Variants in PLAT observed in about 807,000 individuals in gnomAD.
PLAT encodes the protein tissue-type plasminogen activator.
In PLAT, 48 loss-of-function variants were observed where a neutral mutation model predicts 74.9. The observed-to-expected ratio is 0.64, with a 90% confidence interval of 0.51 to 0.82. The LOEUF is 0.82. PLAT is among the 40% of genes least tolerant of loss of function. PLAT has a pLI of 0.00. For synonymous variants in PLAT, 307 were observed against 294.4 expected, an observed-to-expected ratio of 1.04 and a Z score of -0.44; for missense variants, 673 against 736.2, an observed-to-expected ratio of 0.91 and a Z score of 0.99.
rs140537859 is a variant in PLAT, at chr8:42,194,215, T to TGAGAGAGAGAGAGAGA, written c.-26-1020_-26-1005dup. On this transcript the variant is annotated intron_variant, in intron 1 of 13. Transcript: ENST00000220809. ...TCAGGCATGTGCCACTGTGCCTGGC[T>TGAGAGAGAGAGAGAGA]GAGAGAGAGAGAGAGAGAGAGAGAG... Among the ~76,000 whole-genome samples, 775 of 119,792 alleles carry TGAGAGAGAGAGAGAGA rather than the reference T, an allele frequency of 6.5e-3. 31 individuals carry two copies. The highest frequency in any genetic ancestry group is 0.032 in the African/African-American group (708 of 21,812). 78.6% of individuals were successfully genotyped at this position (119,792 alleles called of 152,430 possible).
chr8:42,190,460 C>T (rs891505585), intron 3 of PLAT, among the ~76,000 whole-genome samples: 2 of 152,114 alleles, frequency 1.3e-5, no homozygotes, highest in Admixed American at 1.3e-4. Context: ...TGTTTTCAAG[C>T]CAGAATGCCA....
In PLAT at chr8:42,174,958, C is replaced by A. The variant is rs1414579918; in HGVS notation, c.*1035G>T. On this transcript the variant is annotated 3_prime_UTR_variant, in exon 14 of 14. Transcript: ENST00000220809. The stretch of plus-strand genomic sequence containing the variant: ...AAGATTCTATTTTTTCCTTAAGATT[C>A]CCCAATCCCTCTTGCAACTGAATTC... Among the ~76,000 whole-genome samples the A allele has an allele frequency of 6.6e-6, 1 of 152,130 alleles. No homozygotes were observed. The highest frequency in any genetic ancestry group is 1.9e-4 in the East Asian group (1 of 5,194).
rs1287686231 is a variant in PLAT at position 42,176,037 on chromosome 8, C to T, written c.1645G>A (p.Val549Ile). 1 of 1,614,138 alleles carries T rather than the reference C, an allele frequency of 6.2e-7. No homozygotes were observed. Among genetic ancestry groups the T allele is most frequent in the South Asian group, 1.1e-5 (1 of 91,074 alleles). Residue 549 changes from valine (V) to isoleucine (I), a missense_variant, in exon 14 of 14, where the codon GTT (valine) becomes ATT (isoleucine). Physicochemically the swap from Val to Ile is conservative, Grantham distance 29. Transcript: ENST00000220809. ...CGAATCCAGTCTAGGTAGTTGGTAA[C>T]CTTGGTGTACACACCCGGGACATCC... ...QKDVPGVYTK[V>I]TNYLDWIRDN...
In PLAT at chr8:42,188,942, G is replaced by A; in HGVS notation, c.245C>T (p.Pro82Leu). Residue 82 changes from proline to leucine, a missense_variant, in exon 4 of 14, where the codon CCT (proline) becomes CTT (leucine). Transcript: ENST00000220809. ...NSGRAQCHSV[P>L]VKSCSEPRCF... ...CCAGCCTCAGTACATACTTTTGACA[G>A]GCACTGAGTGGCACTGTGCCCTGCC... 6.2e-7 allele frequency: 1 copy of A among 1,613,018 alleles called. No individual in the cohort carries two copies. The highest frequency in any genetic ancestry group is 8.5e-7 in the Non-Finnish European group (1 of 1,179,272).
intron 3 of PLAT, among the ~76,000 whole-genome samples, chr8:42,190,152 T>G (rs543067421): frequency 2.6e-5 from 4 of 152,254 alleles, no homozygotes; most frequent in African/African-American, 9.6e-5. Flanking sequence ...CATGCTGGTC[T>G]TGAACTCCTG....
chr8:42,190,311 C>T (rs910020897), intron 3 of PLAT, among the ~76,000 whole-genome samples: 1 of 152,240 alleles, frequency 6.6e-6, no homozygotes, highest in Non-Finnish European at 1.5e-5. Flanking sequence ...ATAAGTATTA[C>T]CACACAGAAA....
intron 7 of PLAT, 104 bp from the exon 8 acceptor site, chr8:42,182,994 G>A (rs543159339): frequency 4.5e-4 from 375 of 834,818 alleles, no homozygotes; most frequent in Non-Finnish European, 5.9e-4. Context: ...GCTGGAGGCC[G>A]CTAGCCCGGC....
At chr8:42,201,110 G>A (rs1375682736) in intron 1 of PLAT, among the ~76,000 whole-genome samples, 1 of 152,216 alleles carries the variant, frequency 6.6e-6, no homozygotes, top group African/African-American at 2.4e-5. Context: ...GATTACAGGC[G>A]TGAGCCAACA....
rs8178751 is a variant in PLAT at position 42,187,242 on chromosome 8, T to C, written c.539+156A>G. 2,098 of 557,582 alleles carry C rather than the reference T, an allele frequency of 3.8e-3. 33 individuals carry two copies. Among genetic ancestry groups the C allele is most frequent in the African/African-American group, 0.036 (1,911 of 53,818 alleles). 34.5% of individuals were successfully genotyped at this position (557,582 alleles called of 1,614,324 possible). A position where few individuals can be genotyped will look rare whatever the true frequency, so the allele number is the denominator to read the frequency against. On this transcript the variant is annotated intron_variant, in intron 6 of 13. Transcript: ENST00000220809. ...ATCTATCATCTATCAATCTATCATCTATCACCTATCATCTATTATCTGTCT... is the reference window on the plus strand; with the variant it reads ...ATCTATCATCTATCAATCTATCATCCATCACCTATCATCTATTATCTGTCT...
intron 13 of PLAT, 34 bp from the exon 14 acceptor site, chr8:42,176,185 A>G: frequency 6.3e-7 from 1 of 1,580,350 alleles, no homozygotes; most frequent in Non-Finnish European, 8.6e-7. Context: ...GCGTTTGCAA[A>G]AAAAGCAGAC....
intron 1 of PLAT, chr8:42,193,715 CTTT>C (rs59602216): frequency 4.7e-5 from 7 of 147,428 alleles, no homozygotes; most frequent in East Asian, 2.0e-4. Flanking sequence ...GTAGCATGTC[CTTT>C]TTTTTTTTTT....
intron 13 of PLAT, among the ~76,000 whole-genome samples, chr8:42,176,754 A>G (rs1712000750): frequency 6.6e-6 from 1 of 152,190 alleles, no homozygotes; most frequent in South Asian, 2.1e-4. Context: ...TATTCCCTGA[A>G]TTAACCCACC....
Position 42,182,881 on chromosome 8 carries a change from T to C in PLAT, c.641A>G (p.Asp214Gly). 6.2e-7 allele frequency: 1 copy of C among 1,609,418 alleles called. No homozygotes were observed. Residue 214 changes from aspartate (D) to glycine (G), a missense_variant, in exon 8 of 14, where the codon GAC becomes GGC. Coordinates refer to ENST00000220809, the MANE Select transcript of PLAT (RefSeq NM_000930.5). ...STPACSEGNS[D>G]CYFGNGSAYR... is the part of the protein sequence containing the mutation. The stretch of plus-strand genomic sequence containing the variant: ...GGCTGACCCATTCCCAAAGTAGCAG[T>C]CACTGTTTCCTAGAAGAAAAGAATT...
At chr8:42,201,242 T>C (rs748709330) in intron 1 of PLAT, among the ~76,000 whole-genome samples, 6 of 152,258 alleles carry the variant, frequency 3.9e-5, no homozygotes, top group Non-Finnish European at 8.8e-5. Context: ...GCACACATTC[T>C]GTGTGGGCAA....
intron 2 of PLAT, 152 bp from the exon 3 acceptor site, chr8:42,191,566 C>T: frequency 1.4e-6 from 1 of 690,036 alleles, no homozygotes; most frequent in East Asian, 2.7e-5. Context: ...AAGTCCATCT[C>T]CTGCCTTCTA....
chr8:42,178,156 C>T (rs1007769829), intron 13 of PLAT, among the ~76,000 whole-genome samples: 3 of 152,172 alleles, frequency 2.0e-5, no homozygotes, highest in Non-Finnish European at 4.4e-5. Flanking sequence ...TTGAAAACTT[C>T]TTTCTCACAT....
intron 2 of PLAT, among the ~76,000 whole-genome samples, chr8:42,192,002 CTTTTTTTTTTTT>C (rs1177070988): frequency 7.9e-6 from 1 of 127,136 alleles, no homozygotes; most frequent in African/African-American, 2.9e-5. Context: ...TTGCCTTTTT[CTTTTTTTTTTTT>C]TTTTTTTGAG....
intron 1 of PLAT, among the ~76,000 whole-genome samples, chr8:42,200,902 T>C (rs1386774218): frequency 6.6e-6 from 1 of 152,074 alleles, no homozygotes; most frequent in Non-Finnish European, 1.5e-5. Flanking sequence ...CAATCTCAGC[T>C]CACTGCAACC....
In PLAT at chr8:42,178,891, G is replaced by C; in HGVS notation, c.1530+6C>G. 6.2e-7 allele frequency: 1 copy of C among 1,612,592 alleles called. No homozygotes were observed. Among genetic ancestry groups the C allele is most frequent in the Non-Finnish European group, 8.5e-7 (1 of 1,179,716 alleles). The stretch of plus-strand genomic sequence containing the variant: ...TGCCCAGCATGGGCGCGCCACTCCT[G>C]GTTACCTGGCAGGCGTCGTGCAAGT... On this transcript the variant is annotated splice_donor_region_variant and intron_variant, in intron 13 of 13. Transcript: ENST00000220809.
Sources: gnomAD v4.1 joint callset for allele counts (sites outside exome capture counted in the v4.1 genomes callset) on GRCh38, gnomAD v4.1.1 for gene constraint, MANE v1.5 for transcripts, NCBI Gene and HGNC (gene_info 2026-07-23, HGNC 2026-07-21) for gene names.